The following GFOD2 variants were observed in gnomAD, a reference collection of about 807,000 sequenced individuals.
GFOD2 encodes the protein glucose-fructose oxidoreductase domain-containing protein 2.
Under a neutral mutation model 24.6 loss-of-function variants are expected in GFOD2, and 9 were observed. The observed-to-expected ratio is 0.37, with a 90% CI of 0.22 to 0.64. GFOD2 has a LOEUF of 0.64. Ranked by LOEUF, GFOD2 falls within the 30% of genes least tolerant of loss-of-function variation. GFOD2 has a pLI of 0.65. For missense variants in GFOD2, 476 were observed against 532.5 expected, an observed-to-expected ratio of 0.89 and a Z score of 1.04; for synonymous variants, 211 against 224.8, an observed-to-expected ratio of 0.94 and a Z score of 0.55.
At chr16:67,718,979 C>A (rs2053525638) in intron 1 of GFOD2, among the ~76,000 whole-genome samples, 184 bp downstream of exon 1, 1 of 152,194 alleles carries the variant, frequency 6.6e-6, no homozygotes, top group Non-Finnish European at 1.5e-5. Context: ...AAGGGCGAAT[C>A]CCAAGGCGAC....
Position 67,692,545 on chromosome 16 carries a change from A to G in GFOD2, c.-87-6743T>C, listed in dbSNP as rs183844410. ...CAGTGAGCTGAGATAATGCCACTGCACTCCAGCTTGGGTGACAGAGCAAGA... is the reference window on the plus strand; with the variant it reads ...CAGTGAGCTGAGATAATGCCACTGCGCTCCAGCTTGGGTGACAGAGCAAGA... On this transcript the variant is annotated intron_variant, in intron 1 of 2. Transcript: ENST00000268797. Among the ~76,000 whole-genome samples the G allele has an allele frequency of 2.6e-5, 4 of 152,056 alleles. No homozygotes were observed. In the East Asian group the frequency reaches 7.8e-4, roughly 30 times the overall value.
At position 67,719,272 on chromosome 16, in the gene GFOD2, C is replaced by G. The variant is rs1295879837; in HGVS notation, c.-197G>C. The G allele has an allele frequency of 6.6e-6, 1 of 152,172 alleles. No individual in the cohort carries two copies. Among genetic ancestry groups the G allele is most frequent in the African/African-American group, 2.4e-5 (1 of 41,452 alleles). 9.4% of individuals were successfully genotyped at this position (152,172 alleles called of 1,614,324 possible). The stretch of plus-strand genomic sequence containing the variant: ...GAAGGCTGGCGGGGATGCGCGGGCC[C>G]GGGAGTCCAGGGCGCCGCCACCGGG... On this transcript the variant is annotated 5_prime_UTR_variant, in exon 1 of 3. Coordinates refer to ENST00000268797, the MANE Select transcript of GFOD2 (RefSeq NM_030819.4).
intron 2 of GFOD2, among the ~76,000 whole-genome samples, chr16:67,678,410 A>AG (rs2053199082): frequency 7.0e-6 from 1 of 142,310 alleles, no homozygotes; most frequent in Non-Finnish European, 1.5e-5. Flanking sequence ...CGGGAGGTGG[A>AG]GGTTGCGGTG....
rs373703612 is a variant in GFOD2, at chr16:67,681,804, CAG to C, written c.259+3651_259+3652del. The C allele has an allele frequency of 1.7e-4, 168 of 985,266 alleles. No individual in the cohort carries two copies. In the African/African-American group the frequency reaches 2.5e-3, roughly 15 times the overall value. 61.0% of individuals were successfully genotyped at this position (985,266 alleles called of 1,614,324 possible). ...AACAGGCTCCTGAGGGCTAGCTGTA[CAG>C]AGTCTTTGGGTAGCCATGAAAGACA... On this transcript the variant is annotated intron_variant, in intron 2 of 2. Transcript: ENST00000268797.
chr16:67,704,790 GTGTTC>G (rs1251442694), intron 1 of GFOD2, among the ~76,000 whole-genome samples: 5 of 152,200 alleles, frequency 3.3e-5, no homozygotes, highest in Non-Finnish European at 7.3e-5. Context: ...ACACCTTGCA[GTGTTC>G]TCCAGTTCTC....
At chr16:67,677,144 A>C (rs926789464) in intron 2 of GFOD2, 1 of 152,230 alleles carries the variant, frequency 6.6e-6, no homozygotes, top group Non-Finnish European at 1.5e-5. Flanking sequence ...TCGGAATAAA[A>C]GCCAAAGTCC....
chr16:67,679,839 A>C (rs2053210995), intron 2 of GFOD2, among the ~76,000 whole-genome samples: 1 of 151,690 alleles, frequency 6.6e-6, no homozygotes, highest in Admixed American at 6.6e-5. Flanking sequence ...GTGAGCTGAG[A>C]TAGTGCCATT....
intron 1 of GFOD2, among the ~76,000 whole-genome samples, chr16:67,692,891 G>A (rs998707212): frequency 6.6e-5 from 10 of 151,534 alleles, no homozygotes; most frequent in Non-Finnish European, 1.2e-4. Flanking sequence ...TTATCCAGGC[G>A]TGATGGTGGG....
chr16:67,690,722 G>C (rs1417961806), intron 1 of GFOD2, among the ~76,000 whole-genome samples: 1 of 152,086 alleles, frequency 6.6e-6, no homozygotes, highest in Non-Finnish European at 1.5e-5. Context: ...CTCACCCTCT[G>C]TATTATGATT....
intron 1 of GFOD2, among the ~76,000 whole-genome samples, chr16:67,709,604 A>G (rs1375980319): frequency 1.3e-5 from 2 of 152,184 alleles, no homozygotes; most frequent in African/African-American, 4.8e-5. Context: ...TGAGAGACTC[A>G]GCAGGATATA....
In GFOD2 at chr16:67,675,834, G is replaced by C; in HGVS notation, c.479C>G (p.Pro160Arg). The change falls in exon 3 of 3, where the codon CCC (proline) becomes CGC (arginine). Residue 160 changes from proline (P) to arginine (R), a missense_variant. Pro to Arg is a moderately radical substitution (Grantham distance 103, BLOSUM62 -2). Coordinates refer to ENST00000268797, the MANE Select transcript of GFOD2 (RefSeq NM_030819.4). ...ARIYSGSLLS[P>R]SYGWICDELM... ...CTCATCACAGATCCAGCCATAGCTG[G>C]GGCTCAGCAGGCTGCCTGAGTAGAT... is the stretch of plus-strand genomic sequence containing the variant. 6.2e-7 allele frequency: 1 copy of C among 1,614,162 alleles called. No individual in the cohort carries two copies. Among genetic ancestry groups the C allele is most frequent in the Non-Finnish European group, 8.5e-7 (1 of 1,180,040 alleles).
intron 1 of GFOD2, among the ~76,000 whole-genome samples, chr16:67,716,858 T>C (rs1451051310): frequency 2.0e-5 from 3 of 152,188 alleles, no homozygotes; most frequent in Non-Finnish European, 4.4e-5. Flanking sequence ...CCCATAGTTA[T>C]GGTATGATGC....
rs540860746 is a variant in GFOD2, at chr16:67,710,955, T to C, written c.-88+8208A>G. On this transcript the variant is annotated intron_variant, in intron 1 of 2. Coordinates refer to ENST00000268797, the MANE Select transcript of GFOD2 (RefSeq NM_030819.4). The stretch of plus-strand genomic sequence containing the variant: ...CATCACCATGAAAAAAACCCAAACA[T>C]TGACATTGGTTGTGCAGTAAAAGGC... Among the ~76,000 whole-genome samples, 80 of 152,192 alleles carry C rather than the reference T, an allele frequency of 5.3e-4. No individual in the cohort carries two copies. The South Asian group carries it at 0.016, about 31-fold the overall frequency.
At chr16:67,689,530 G>C (rs2053295151) in intron 1 of GFOD2, among the ~76,000 whole-genome samples, 1 of 151,796 alleles carries the variant, frequency 6.6e-6, no homozygotes, top group Non-Finnish European at 1.5e-5. Context: ...AATTAGCCGG[G>C]CGTGGTGGCA....
In GFOD2 at chr16:67,675,167, C is replaced by T. The variant is rs778110641; in HGVS notation, c.1146G>A (p.Arg382=). Residue 382 remains arginine (R), a synonymous_variant, in exon 3 of 3, where the codon CGG becomes CGA. Transcript: ENST00000268797. ...CCCAGGTGCAGGCTCATAGGTTGTT[C>T]CGCTGAAGTGCCTCACACAGGTTCT... ...TNQNLCEALQ[R]NNL is the part of the protein sequence containing the mutation. 1 of 1,611,970 alleles carries T rather than the reference C, an allele frequency of 6.2e-7. No individual in the cohort carries two copies. Among genetic ancestry groups the T allele is most frequent in the African/African-American group, 1.3e-5 (1 of 74,928 alleles).
chr16:67,692,986 C>T lies in GFOD2; in HGVS notation c.-87-7184G>A, dbSNP rs980648327. ...CAGAGCTTGCAGTGAGCCGAGATTG[C>T]GCCACTGCACTCCAGCCTGGGCGAC... On this transcript the variant is annotated intron_variant, in intron 1 of 2. Coordinates refer to ENST00000268797, the MANE Select transcript of GFOD2 (RefSeq NM_030819.4). Among the ~76,000 whole-genome samples, 17 of 150,376 alleles carry T rather than the reference C, an allele frequency of 1.1e-4. No individual in the cohort carries two copies. In the South Asian group the frequency reaches 1.9e-3, roughly 17 times the overall value.
intron 1 of GFOD2, among the ~76,000 whole-genome samples, chr16:67,716,682 A>G (rs1014005220): frequency 1.3e-5 from 2 of 152,192 alleles, no homozygotes; most frequent in African/African-American, 4.8e-5. Context: ...TCTGCACAGA[A>G]CACAATGATT....
chr16:67,692,958 A>ATCCT (rs1212214952), intron 1 of GFOD2, among the ~76,000 whole-genome samples: 1 of 151,812 alleles, frequency 6.6e-6, no homozygotes, highest in Non-Finnish European at 1.5e-5. Flanking sequence ...TGAACCCAGG[A>ATCCT]GGCAGAGCTT....
intron 2 of GFOD2, chr16:67,680,649 G>A (rs1238637157): frequency 2.4e-6 from 2 of 833,132 alleles, no homozygotes; most frequent in Middle Eastern, 6.2e-4. Context: ...GGCATCTTAC[G>A]TAGGTCTAAA....
Sources: allele counts gnomAD v4.1 joint callset (sites outside exome capture counted in the v4.1 genomes callset), GRCh38; gene constraint gnomAD v4.1.1; transcripts MANE v1.5; gene names NCBI Gene and HGNC (gene_info 2026-07-23, HGNC 2026-07-21).